Variants in NDUFA8 observed in about 807,000 individuals in gnomAD.
NDUFA8 encodes NADH:ubiquinone oxidoreductase subunit A8.
Under a neutral mutation model 20.9 loss-of-function variants are expected in NDUFA8, and 16 were observed. That is an observed-to-expected ratio of 0.77 (90% CI 0.52 to 1.16). The LOEUF (loss-of-function observed/expected upper bound fraction) is 1.16. Ranked by LOEUF, NDUFA8 falls within the 50% of genes most tolerant of loss-of-function variation. NDUFA8 has a pLI of 0.00. For missense variants in NDUFA8, 202 were observed against 216.4 expected, an observed-to-expected ratio of 0.93 and a Z score of 0.42; for synonymous variants, 70 against 76.1, an observed-to-expected ratio of 0.92 and a Z score of 0.41.
Position 122,144,134 on chromosome 9 carries a change from T to C in NDUFA8, c.*107A>G. On this transcript the variant is annotated 3_prime_UTR_variant, in exon 4 of 4. Coordinates refer to ENST00000373768, the MANE Select transcript of NDUFA8 (RefSeq NM_014222.3). ...TCACATAAGTTAACTTTTTTGTTAA[T>C]GTTTGTGATCCCGGAAAGAACACAC... is the stretch of plus-strand genomic sequence containing the variant. 6.3e-7 allele frequency: 1 copy of C among 1,586,838 alleles called. No individual in the cohort carries two copies. Among genetic ancestry groups the C allele is most frequent in the Non-Finnish European group, 8.6e-7 (1 of 1,166,052 alleles).
chr9:122,133,901 C>T, the NDUFA8 span, among the ~76,000 whole-genome samples: 1 of 152,222 alleles, frequency 6.6e-6, no homozygotes, highest in Non-Finnish European at 1.5e-5. Flanking sequence ...GCGCCTGGTC[C>T]TACCCCATCC....
chr9:122,155,778 T>C lies in NDUFA8; in HGVS notation c.52-3370A>G, dbSNP rs76140494. On this transcript the variant is annotated intron_variant, in intron 1 of 3. Transcript: ENST00000373768. ...CTTGTCATATGCCTTAAAAGAGCTT[T>C]AACTGGCTGATTCAATTATTCAAAG... Among the ~76,000 whole-genome samples the C allele has an allele frequency of 8.1e-4, 123 of 152,322 alleles. 1 individual carries two copies. The East Asian group carries it at 0.019, about 24-fold the overall frequency.
At position 122,152,328 on chromosome 9, in the gene NDUFA8, C is replaced by A. The variant is rs753252794; in HGVS notation, c.132G>T (p.Met44Ile). 1.9e-6 allele frequency: 3 copies of A among 1,614,152 alleles called. No homozygotes were observed. The Admixed American group carries it at 5.0e-5, about 27-fold the overall frequency. The change falls in exon 2 of 4, where the codon ATG becomes ATT. Residue 44 changes from methionine to isoleucine, a missense_variant. By Grantham distance (10) the Met-to-Ile change is conservative (BLOSUM62 1). Transcript: ENST00000373768. ...AQCDKPNKEF[M>I]LCRWEEKDPR... Reference sequence around the variant, plus strand: ...GATCTTTCTCTTCCCAGCGGCAGAGCATAAACTCCTTGTTGGGCTTATCAC... The same window carrying A: ...GATCTTTCTCTTCCCAGCGGCAGAGAATAAACTCCTTGTTGGGCTTATCAC...
chr9:122,132,846 G>A, the NDUFA8 span: 8 of 443,316 alleles, frequency 1.8e-5, no homozygotes, highest in Non-Finnish European at 3.2e-5. Context: ...CTGGCTTCAC[G>A]CATGCTCTTG....
At chr9:122,147,908 G>A (rs1278787099) in intron 3 of NDUFA8, among the ~76,000 whole-genome samples, 1 of 152,204 alleles carries the variant, frequency 6.6e-6, no homozygotes. Context: ...TTACAGGCGT[G>A]AGCCACCACG....
chr9:122,150,155 G>C (rs1416265382), intron 2 of NDUFA8, among the ~76,000 whole-genome samples: 1 of 152,016 alleles, frequency 6.6e-6, no homozygotes, highest in Non-Finnish European at 1.5e-5. Context: ...GGGCACGGTG[G>C]CTCACGCTTG....
At chr9:122,143,997 A>C (rs924161453), downstream of NDUFA8, 1 of 1,229,738 alleles carries the variant, frequency 8.1e-7, no homozygotes, top group African/African-American at 1.5e-5. Flanking sequence ...AGAAGAAAAA[A>C]GCAAGGGGAA....
chr9:122,154,806 T>G (rs1266823520), intron 1 of NDUFA8, among the ~76,000 whole-genome samples: 2 of 152,240 alleles, frequency 1.3e-5, no homozygotes, highest in African/African-American at 4.8e-5. Context: ...ATATAGTTGT[T>G]TGGATATTCC....
chr9:122,144,403 G>A, intron 3 of NDUFA8, 25 bp from the exon 4 acceptor site: 1 of 1,608,642 alleles, frequency 6.2e-7, no homozygotes, highest in South Asian at 1.1e-5. Context: ...GAGGGCAAAA[G>A]CAAAGTTGAA....
downstream of NDUFA8, among the ~76,000 whole-genome samples, chr9:122,139,614 A>G (rs932582487): frequency 1.3e-5 from 2 of 152,340 alleles, no homozygotes; most frequent in Middle Eastern, 3.4e-3. Context: ...CCAACTGAAC[A>G]AAGTATTTAT....
chr9:122,140,806 T>C (rs1828808185), downstream of NDUFA8, among the ~76,000 whole-genome samples: 1 of 152,214 alleles, frequency 6.6e-6, no homozygotes, highest in South Asian at 2.1e-4. Flanking sequence ...TACTGTCATC[T>C]CCTTCCCCTT....
intron 1 of NDUFA8, among the ~76,000 whole-genome samples, chr9:122,159,362 T>C (rs1218404845): frequency 2.0e-5 from 3 of 152,240 alleles, no homozygotes; most frequent in Admixed American, 6.5e-5. Flanking sequence ...GTATCACTAT[T>C]ATTCACGGAA....
intron 2 of NDUFA8, among the ~76,000 whole-genome samples, chr9:122,151,370 A>C (rs1309544048): frequency 2.0e-5 from 3 of 152,338 alleles, no homozygotes; most frequent in African/African-American, 7.2e-5. Context: ...CCTGAAGCAC[A>C]AGTGATGCAA....
intron 1 of NDUFA8, among the ~76,000 whole-genome samples, chr9:122,157,368 T>G (rs16911505): frequency 0.011 from 1,675 of 152,314 alleles, 31 homozygotes; most frequent in African/African-American, 0.039. Flanking sequence ...TAACCATGTC[T>G]GCAAATGCTA....
chr9:122,145,851 A>G (rs1828896718), intron 3 of NDUFA8, among the ~76,000 whole-genome samples: 1 of 152,218 alleles, frequency 6.6e-6, no homozygotes, highest in Non-Finnish European at 1.5e-5. Flanking sequence ...TAAGGAATTA[A>G]AGACATTTAT....
chr9:122,156,694 G>C (rs557206355), intron 1 of NDUFA8, among the ~76,000 whole-genome samples: 1 of 152,184 alleles, frequency 6.6e-6, no homozygotes, highest in Non-Finnish European at 1.5e-5. Flanking sequence ...CCTTTTTCTG[G>C]CTTCACCAGT....
intron 1 of NDUFA8, among the ~76,000 whole-genome samples, chr9:122,158,667 A>G (rs72767775): frequency 0.022 from 3,239 of 148,854 alleles, 52 homozygotes; most frequent in Non-Finnish European, 0.031. Flanking sequence ...GTGTGTGTGT[A>G]TATATATATA....
intron 1 of NDUFA8, among the ~76,000 whole-genome samples, chr9:122,156,518 G>T (rs889717407): frequency 6.6e-6 from 1 of 152,060 alleles, no homozygotes; most frequent in African/African-American, 2.4e-5. Flanking sequence ...CTATCACATC[G>T]AAAGCACACC....
the NDUFA8 span, among the ~76,000 whole-genome samples, chr9:122,137,632 A>C: frequency 6.6e-6 from 1 of 152,206 alleles, no homozygotes; most frequent in African/African-American, 2.4e-5. Context: ...ATCTATTTAA[A>C]ACAGAAGCCC....
Sources: gnomAD v4.1 joint callset for allele counts (sites outside exome capture counted in the v4.1 genomes callset) on GRCh38, gnomAD v4.1.1 for gene constraint, MANE v1.5 for transcripts, NCBI Gene and HGNC (gene_info 2026-07-23, HGNC 2026-07-21) for gene names.